PPP1R10: variants seen among roughly 807,000 people sequenced by gnomAD.
PPP1R10 encodes serine/threonine-protein phosphatase 1 regulatory subunit 10.
A neutral mutation model predicts 99.0 loss-of-function variants in PPP1R10; 15 were observed. The observed-to-expected ratio is 0.15, with a 90% CI of 0.10 to 0.23. The LOEUF (loss-of-function observed/expected upper bound fraction) is 0.23. PPP1R10 is among the 10% of genes least tolerant of loss of function. PPP1R10 has a pLI of 1.00. For missense variants in PPP1R10, 947 were observed against 1,259.4 expected (o/e 0.75, Z 3.75); for synonymous variants, 430 against 449.5 (o/e 0.96, Z 0.55).
intron 2 of PPP1R10, among the ~76,000 whole-genome samples, chr6:30,615,229 T>TAAAAA (rs5875265): frequency 0.017 from 1,905 of 109,614 alleles, 21 homozygotes; most frequent in Middle Eastern, 0.036. Flanking sequence ...ACCTTTTTAG[T>TAAAAA]AAAAAAAAAA....
chr6:30,611,370 G>C (rs1804536579), intron 2 of PPP1R10, among the ~76,000 whole-genome samples: 1 of 152,104 alleles, frequency 6.6e-6, no homozygotes. Context: ...TCTGCCTTTG[G>C]GCAATAAGGC....
At chr6:30,611,018 C>G (rs1048140325) in intron 2 of PPP1R10, among the ~76,000 whole-genome samples, 1 of 152,082 alleles carries the variant, frequency 6.6e-6, no homozygotes, top group Non-Finnish European at 1.5e-5. Flanking sequence ...TTCTAAGACC[C>G]AAAAAAGAGG....
chr6:30,607,917 G>A, intron 5 of PPP1R10, 26 bp from the exon 6 acceptor site: 1 of 1,610,334 alleles, frequency 6.2e-7, no homozygotes, highest in Non-Finnish European at 8.5e-7. Context: ...GCAGCAGAAA[G>A]GTAAATGCCA....
Position 30,604,582 on chromosome 6 carries a change from G to A in PPP1R10, c.1102+6C>T, listed in dbSNP as rs1424970394. On this transcript the variant is annotated splice_donor_region_variant and intron_variant, in intron 12 of 19. Coordinates refer to ENST00000376511, the MANE Select transcript of PPP1R10 (RefSeq NM_002714.4). This position sits in a 1 kb window ranked among gnomAD's most constrained non-coding sequence, Gnocchi z 7.3. ...ACCCCCCAAACTGAACCAGTTTCTAGATTACCTGTATCCATGAGCTCCGGG... is the reference window on the plus strand; with the variant it reads ...ACCCCCCAAACTGAACCAGTTTCTAAATTACCTGTATCCATGAGCTCCGGG... The A allele has an allele frequency of 1.2e-6, 2 of 1,612,982 alleles. No individual in the cohort carries two copies. Among genetic ancestry groups the A allele is most frequent in the South Asian group, 1.1e-5 (1 of 91,078 alleles).
chr6:30,603,923 T>A, intron 14 of PPP1R10, 80 bp from the exon 15 acceptor site: 1 of 1,522,470 alleles, frequency 6.6e-7, no homozygotes, highest in Non-Finnish European at 8.8e-7. Flanking sequence ...ATTTCTAACC[T>A]CCACCCCGTA....
rs778419526 is a variant in PPP1R10 at position 30,603,468 on chromosome 6, G to A, written c.1767+4C>T. 101 of 1,607,214 alleles carry A rather than the reference G, an allele frequency of 6.3e-5. No individual in the cohort carries two copies. The highest frequency in any genetic ancestry group is 1.2e-4 in the South Asian group (11 of 90,436). ...AGGTGGAAAAGGGGAAGGAGGGTGC[G>A]TACCATGATGGAGGTGAGGATCTCT... On this transcript the variant is annotated splice_donor_region_variant and intron_variant, in intron 16 of 19. Transcript: ENST00000376511.
Position 30,602,021 on chromosome 6 carries a change from T to C in PPP1R10, c.2628A>G (p.Pro876=), listed in dbSNP as rs763027150. The change falls in exon 19 of 20, where the codon CCA becomes CCG. Residue 876 remains proline, a synonymous_variant. Coordinates refer to ENST00000376511, the MANE Select transcript of PPP1R10 (RefSeq NM_002714.4). The surrounding 1 kb of genome is among the most constrained non-coding windows in gnomAD (Gnocchi z 6.7). ...GHRGHDHRGP[P]PHEHRGHDGP... The stretch of plus-strand genomic sequence containing the variant: ...CATCATGGCCACGGTGCTCATGAGG[T>C]GGCGGCCCTCGATGGTCATGGCCTC... 1.3e-6 allele frequency: 2 copies of C among 1,535,500 alleles called. No homozygotes were observed. Among genetic ancestry groups the C allele is most frequent in the Non-Finnish European group, 8.8e-7 (1 of 1,138,850 alleles).
chr6:30,607,024 A>C (rs1391695098), intron 6 of PPP1R10, among the ~76,000 whole-genome samples, 168 bp from the exon 7 acceptor site: 2 of 152,284 alleles, frequency 1.3e-5, no homozygotes, highest in Non-Finnish European at 2.9e-5. Flanking sequence ...CCCTTAAAAA[A>C]TGGAACAATG....
At chr6:30,615,749 C>T (rs1760425329) in intron 2 of PPP1R10, among the ~76,000 whole-genome samples, 1 of 152,054 alleles carries the variant, frequency 6.6e-6, no homozygotes, top group African/African-American at 2.4e-5. Flanking sequence ...TTTTAAATAC[C>T]TATGCAATCT....
chr6:30,601,465 T>C lies in PPP1R10; in HGVS notation c.*84A>G, dbSNP rs1803304552. ...CTCATCAGCTGGGGAAAAGGGAAAA[T>C]GGGCCTCACAGAAGCCATAACAGGG... On this transcript the variant is annotated 3_prime_UTR_variant, in exon 20 of 20. Coordinates refer to ENST00000376511, the MANE Select transcript of PPP1R10 (RefSeq NM_002714.4). 4.2e-6 allele frequency: 5 copies of C among 1,180,652 alleles called. No homozygotes were observed. Among genetic ancestry groups the C allele is most frequent in the Non-Finnish European group, 6.1e-6 (5 of 814,178 alleles). 73.1% of individuals were successfully genotyped at this position (1,180,652 alleles called of 1,614,324 possible). A position where few individuals can be genotyped will look rare whatever the true frequency, so the allele number is the denominator to read the frequency against.
At position 30,606,600 on chromosome 6, in the gene PPP1R10, T is replaced by C. The variant is rs1803976338; in HGVS notation, c.502A>G (p.Thr168Ala). Residue 168 changes from threonine (T) to alanine (A), a missense_variant, in exon 8 of 20, where the codon ACT (threonine) becomes GCT (alanine). This residue lies in a region of PPP1R10 where 92 missense variants were observed against 159.2 expected (regional missense o/e 0.58). Coordinates refer to ENST00000376511, the MANE Select transcript of PPP1R10 (RefSeq NM_002714.4). The surrounding 1 kb of genome is among the most constrained non-coding windows in gnomAD (Gnocchi z 6.3). ...GTCAAAGGTCGCTCAGGAAGGGTAG[T>C]TCGACTTTTTCCTTCATCTTTACGT... The part of the protein sequence containing the change: ...KKRKDEGKSR[T>A]TLPERPLTEV... 1 of 1,614,228 alleles carries C rather than the reference T, an allele frequency of 6.2e-7. No homozygotes were observed. The highest frequency in any genetic ancestry group is 1.7e-5 in the Admixed American group (1 of 60,020).
At chr6:30,608,341 G>A (rs374642891) in intron 5 of PPP1R10, among the ~76,000 whole-genome samples, 3 of 142,674 alleles carry the variant, frequency 2.1e-5, no homozygotes, top group East Asian at 2.0e-4. Flanking sequence ...TCACTCTGTC[G>A]CCCAGGCTGG....
At position 30,604,935 on chromosome 6, in the gene PPP1R10, C is replaced by G. The variant is rs748692077; in HGVS notation, c.954+59G>C. The G allele has an allele frequency of 6.3e-7, 1 of 1,575,674 alleles. No individual in the cohort carries two copies. The highest frequency in any genetic ancestry group is 1.1e-5 in the South Asian group (1 of 90,224). On this transcript the variant is annotated intron_variant, in intron 11 of 19. Transcript: ENST00000376511. This position sits in a 1 kb window ranked among gnomAD's most constrained non-coding sequence, Gnocchi z 7.3. The stretch of plus-strand genomic sequence containing the variant: ...CCCGACAACTCCTAGCTGCTGTGCC[C>G]TTTCTTCTACTTTACCTTTTATACT...
Position 30,602,519 on chromosome 6 carries a change from T to C in PPP1R10, c.2130A>G (p.Arg710=), listed in dbSNP as rs1803458900. 6.4e-7 allele frequency: 1 copy of C among 1,566,744 alleles called. No individual in the cohort carries two copies. The highest frequency in any genetic ancestry group is 8.7e-7 in the Non-Finnish European group (1 of 1,155,236). ...PGPYHRGRGG[R]GGNEPPPPPP... is the part of the protein sequence containing the mutation. ...GAGGAGGAGGAGGTTCGTTTCCTCC[T>C]CGGCCACCTCGGCCTCTATGGTATG... The change falls in exon 19 of 20, where the codon CGA becomes CGG. Residue 710 remains arginine, a synonymous_variant. Transcript: ENST00000376511. This position sits in a 1 kb window ranked among gnomAD's most constrained non-coding sequence, Gnocchi z 6.7.
At position 30,606,746 on chromosome 6, in the gene PPP1R10, T is replaced by G. The variant is rs774310296; in HGVS notation, c.460+33A>C. 104 of 1,610,908 alleles carry G rather than the reference T, an allele frequency of 6.5e-5. No individual in the cohort carries two copies. Among genetic ancestry groups the G allele is most frequent in the Non-Finnish European group, 8.5e-5 (100 of 1,177,386 alleles). On this transcript the variant is annotated intron_variant, in intron 7 of 19. Coordinates refer to ENST00000376511, the MANE Select transcript of PPP1R10 (RefSeq NM_002714.4). The surrounding 1 kb of genome is among the most constrained non-coding windows in gnomAD (Gnocchi z 6.3). ...AGGCCACATCCCAATAGGAAAGAAA[T>G]AAATACAAAGGATAAAGGACTAAGG... is the stretch of plus-strand genomic sequence containing the variant.
intron 2 of PPP1R10, among the ~76,000 whole-genome samples, chr6:30,615,220 CCT>C (rs1011900161): frequency 6.9e-6 from 1 of 144,974 alleles, no homozygotes; most frequent in Non-Finnish European, 1.5e-5. Flanking sequence ...TTATAAAACA[CCT>C]TTTTAGTAAA....
rs944378491 is a variant in PPP1R10 at position 30,603,444 on chromosome 6, G to A, written c.1767+28C>T. On this transcript the variant is annotated intron_variant, in intron 16 of 19. Transcript: ENST00000376511. ...GCGAGCTTAAGGAGGCTCCACAGAA[G>A]GTGGAAAAGGGGAAGGAGGGTGCGT... 3.8e-6 allele frequency: 6 copies of A among 1,597,032 alleles called. No individual in the cohort carries two copies. In the African/African-American group the frequency reaches 6.7e-5, roughly 18 times the overall value.
intron 2 of PPP1R10, among the ~76,000 whole-genome samples, chr6:30,615,500 GAC>G (rs1172258438): frequency 2.0e-5 from 3 of 152,134 alleles, no homozygotes; most frequent in Admixed American, 2.0e-4. Flanking sequence ...AATGGGTCAA[GAC>G]ACAACCTGCA....
Position 30,606,076 on chromosome 6 carries a change from C to G in PPP1R10, c.741-41G>C. 6.2e-7 allele frequency: 1 copy of G among 1,612,434 alleles called. No individual in the cohort carries two copies. The highest frequency in any genetic ancestry group is 8.5e-7 in the Non-Finnish European group (1 of 1,178,546). ...CTGTCATCAACATCTCCGACTCACC[C>G]CCTCCTGCTCCCTTGTGTCCACAGA... is the stretch of plus-strand genomic sequence containing the variant. On this transcript the variant is annotated intron_variant, in intron 9 of 19. Coordinates refer to ENST00000376511, the MANE Select transcript of PPP1R10 (RefSeq NM_002714.4). This position sits in a 1 kb window ranked among gnomAD's most constrained non-coding sequence, Gnocchi z 6.3.
Sources: allele counts gnomAD v4.1 joint callset (sites outside exome capture counted in the v4.1 genomes callset), GRCh38; gene constraint gnomAD v4.1.1; regional missense constraint gnomAD v4.1.1; non-coding constraint Gnocchi (gnomAD v3.1); transcripts MANE v1.5; gene names NCBI Gene and HGNC (gene_info 2026-07-23, HGNC 2026-07-21).